The following MS4A10 variants were observed in gnomAD, a reference collection of about 807,000 sequenced individuals.
MS4A10 encodes the protein membrane-spanning 4-domains subfamily A member 10.
MS4A10 carries 27 observed loss-of-function variants against 27.7 expected under a neutral mutation model. The ratio of observed to expected loss-of-function variants is 0.98; its 90% CI spans 0.72 to 1.35. MS4A10 has a LOEUF of 1.35. Ranked by LOEUF, MS4A10 falls within the 40% of genes most tolerant of loss-of-function variation. The probability of loss-of-function intolerance (pLI) is 0.00; values close to 1 mark genes in which losing one functional copy is unlikely to be tolerated. For synonymous variants in MS4A10, 139 were observed against 131.2 expected (o/e 1.06, Z -0.41); for missense variants, 338 against 324.7 (o/e 1.04, Z -0.32).
chr11:60,795,320 A>G (rs1854507850), intron 5 of MS4A10, among the ~76,000 whole-genome samples: 1 of 152,060 alleles, frequency 6.6e-6, no homozygotes, highest in South Asian at 2.1e-4. Flanking sequence ...CGTTAGGCCA[A>G]TACTCACCAA....
At chr11:60,799,727 ACT>A (rs1243973896) in intron 7 of MS4A10, 99 bp from the exon 8 acceptor site, 7 of 701,140 alleles carry the variant, frequency 1.0e-5, no homozygotes, top group Non-Finnish European at 1.8e-5. Context: ...TGGGCCACTG[ACT>A]CTGAGCCAAG....
At chr11:60,791,119 G>C in intron 3 of MS4A10, 26 bp downstream of exon 3, 3 of 1,612,350 alleles carry the variant, frequency 1.9e-6, no homozygotes, top group Non-Finnish European at 2.5e-6. Context: ...AACACAGACC[G>C]GGTGTGGGAG....
chr11:60,790,574 G>A (rs1200744301), intron 2 of MS4A10, 56 bp downstream of exon 2: 2 of 1,593,810 alleles, frequency 1.3e-6, no homozygotes, highest in Non-Finnish European at 1.7e-6. Flanking sequence ...AGGGGGATAT[G>A]AGGAGGATGC....
At chr11:60,787,852 T>C (rs763649187) in intron 1 of MS4A10, among the ~76,000 whole-genome samples, 4 of 152,068 alleles carry the variant, frequency 2.6e-5, no homozygotes, top group Non-Finnish European at 5.9e-5. Flanking sequence ...ACCCCATCTC[T>C]ACTAAAAATA....
At chr11:60,790,588 G>C in intron 2 of MS4A10, 70 bp downstream of exon 2, 2 of 1,544,706 alleles carry the variant, frequency 1.3e-6, no homozygotes, top group Non-Finnish European at 1.8e-6. Context: ...AGGATGCTGG[G>C]GGGCCCCAAG....
intron 1 of MS4A10, among the ~76,000 whole-genome samples, chr11:60,785,831 GGGA>G (rs1854326021): frequency 1.3e-5 from 2 of 152,086 alleles, no homozygotes; most frequent in African/African-American, 2.4e-5. Flanking sequence ...CAGAGCCCCA[GGGA>G]GGAGAAGGGA....
intron 1 of MS4A10, among the ~76,000 whole-genome samples, chr11:60,789,419 G>A (rs1041321775): frequency 6.6e-6 from 1 of 152,176 alleles, no homozygotes; most frequent in Non-Finnish European, 1.5e-5. Flanking sequence ...TGCATCCCAC[G>A]GCGTCAGTAT....
At chr11:60,791,633 G>A (rs928847731) in intron 3 of MS4A10, among the ~76,000 whole-genome samples, 61 of 152,362 alleles carry the variant, frequency 4.0e-4, no homozygotes, top group African/African-American at 1.4e-3. Flanking sequence ...GTGGAGTCCT[G>A]CCTATGCACT....
chr11:60,786,857 G>C (rs1854348423), intron 1 of MS4A10, among the ~76,000 whole-genome samples: 1 of 152,228 alleles, frequency 6.6e-6, no homozygotes, highest in Non-Finnish European at 1.5e-5. Context: ...CTAGGGACAG[G>C]CAGTGGCACT....
chr11:60,786,310 C>T (rs1258081868), intron 1 of MS4A10, among the ~76,000 whole-genome samples: 1 of 152,074 alleles, frequency 6.6e-6, no homozygotes, highest in Non-Finnish European at 1.5e-5. Flanking sequence ...AGCCACAGAC[C>T]TCCCATGGAC....
At chr11:60,787,916 C>T (rs577544195) in intron 1 of MS4A10, among the ~76,000 whole-genome samples, 2 of 152,226 alleles carry the variant, frequency 1.3e-5, no homozygotes, top group African/African-American at 4.8e-5. Context: ...ACTCAGGAGG[C>T]TGAGGCAGGA....
rs71997819 is a variant in MS4A10, at chr11:60,800,052, CCTGGG to C, written c.*144_*148del. ...TACAGCAAAGTCAGCCCTCACAGCT[CCTGGG>C]AACGCTGTCCTCTCAGATAAGCCAT... On this transcript the variant is annotated 3_prime_UTR_variant, in exon 8 of 8. Transcript: ENST00000308287. The C allele has an allele frequency of 0.47, 587,748 of 1,244,580 alleles. 144,793 individuals carry two copies. Among genetic ancestry groups the C allele is most frequent in the East Asian group, 0.83 (35,155 of 42,508 alleles). The allele number at this position is 1,244,580 out of a possible 1,614,324, so 77.1% of individuals were successfully genotyped here. A position where few individuals can be genotyped will look rare whatever the true frequency, so the allele number is the denominator to read the frequency against.
At chr11:60,786,173 GCACA>G (rs776986366) in intron 1 of MS4A10, among the ~76,000 whole-genome samples, 49 of 139,970 alleles carry the variant, frequency 3.5e-4, no homozygotes, top group African/African-American at 1.2e-3. Context: ...GCACACACAT[GCACA>G]CACACACACA....
rs1854446012 is a variant in MS4A10 at position 60,792,383 on chromosome 11, AT to A, written c.360+63del. On this transcript the variant is annotated intron_variant, in intron 4 of 7. Coordinates refer to ENST00000308287, the MANE Select transcript of MS4A10 (RefSeq NM_206893.4). Reference sequence around the variant, plus strand: ...AGCATGGCATAACTTTGTTAAGGGCATCTGTCTGTAGGGGTGATTGTGAGGG... The same window carrying A: ...AGCATGGCATAACTTTGTTAAGGGCACTGTCTGTAGGGGTGATTGTGAGGG... 2.3e-6 allele frequency: 3 copies of A among 1,281,548 alleles called. No homozygotes were observed. In the Admixed American group the frequency reaches 5.0e-5, roughly 22 times the overall value. 79.4% of individuals were successfully genotyped at this position (1,281,548 alleles called of 1,614,324 possible).
chr11:60,800,049 G>A lies in MS4A10; in HGVS notation c.*140G>A, dbSNP rs910648272. On this transcript the variant is annotated 3_prime_UTR_variant, in exon 8 of 8. Coordinates refer to ENST00000308287, the MANE Select transcript of MS4A10 (RefSeq NM_206893.4). ...CTATACAGCAAAGTCAGCCCTCACA[G>A]CTCCTGGGAACGCTGTCCTCTCAGA... 6 of 1,268,840 alleles carry A rather than the reference G, an allele frequency of 4.7e-6. No individual in the cohort carries two copies. Among genetic ancestry groups the A allele is most frequent in the African/African-American group, 4.6e-5 (3 of 65,460 alleles). The allele number at this position is 1,268,840 out of a possible 1,614,324, so 78.6% of individuals were successfully genotyped here.
intron 4 of MS4A10, among the ~76,000 whole-genome samples, chr11:60,793,624 T>C (rs1854467444): frequency 1.3e-5 from 2 of 152,300 alleles, no homozygotes; most frequent in African/African-American, 2.4e-5. Flanking sequence ...CCCTGACACT[T>C]GGCATAGCTG....
chr11:60,788,279 A>C (rs943760862), intron 1 of MS4A10, among the ~76,000 whole-genome samples: 2 of 152,204 alleles, frequency 1.3e-5, no homozygotes, highest in African/African-American at 4.8e-5. Context: ...TCTTGAGTCC[A>C]ACTCCCTGTT....
chr11:60,799,384 C>T (rs545636646), intron 7 of MS4A10, among the ~76,000 whole-genome samples: 16 of 152,308 alleles, frequency 1.1e-4, no homozygotes, highest in Admixed American at 8.5e-4. Context: ...GCAATGTATT[C>T]TGGTTTTTTT....
At chr11:60,789,983 C>T (rs544637202) in intron 1 of MS4A10, among the ~76,000 whole-genome samples, 11 of 152,278 alleles carry the variant, frequency 7.2e-5, no homozygotes, top group Middle Eastern at 3.4e-3. Context: ...CTGCACCTCT[C>T]GCACCTCCCA....
Sources: gnomAD v4.1 joint callset for allele counts (sites outside exome capture counted in the v4.1 genomes callset) on GRCh38, gnomAD v4.1.1 for gene constraint, MANE v1.5 for transcripts, NCBI Gene and HGNC (gene_info 2026-07-23, HGNC 2026-07-21) for gene names.